The following AGBL4 variants were observed in gnomAD, a reference collection of about 807,000 sequenced individuals.
AGBL4 encodes the protein cytosolic carboxypeptidase 6.
AGBL4 carries 58 observed loss-of-function variants against 66.4 expected under a neutral mutation model. That is an observed-to-expected ratio of 0.87 (90% CI 0.71 to 1.09). The LOEUF (loss-of-function observed/expected upper bound fraction) is 1.09. Ranked by LOEUF, AGBL4 falls within the 50% of genes least tolerant of loss-of-function variation. The pLI, the probability that AGBL4 is intolerant of heterozygous loss-of-function variation, is 0.00. For synonymous variants in AGBL4, 234 were observed against 222.9 expected (o/e 1.05, Z -0.44); for missense variants, 579 against 631.0 (o/e 0.92, Z 0.88).
At chr1:49,728,654 G>A (rs1375580867) in intron 2 of AGBL4, among the ~76,000 whole-genome samples, 2 of 152,162 alleles carry the variant, frequency 1.3e-5, no homozygotes, top group Admixed American at 1.3e-4. Context: ...GAGAAGGCAT[G>A]TGGGGAGAGA....
intron 5 of AGBL4, among the ~76,000 whole-genome samples, chr1:48,898,653 T>C (rs1474050121): frequency 3.9e-4 from 1 of 2,532 alleles, no homozygotes; most frequent in Non-Finnish European, 6.2e-3. Context: ...ATGTGCTTAT[T>C]TTTTTTTTAT....
chr1:49,592,710 T>C (rs1470966006), intron 3 of AGBL4, among the ~76,000 whole-genome samples: 2 of 152,106 alleles, frequency 1.3e-5, no homozygotes, highest in Non-Finnish European at 2.9e-5. Flanking sequence ...ACAAGTCAAA[T>C]TGGCTATTAT....
intron 4 of AGBL4, among the ~76,000 whole-genome samples, chr1:49,194,631 C>T (rs1647190249): frequency 6.6e-6 from 1 of 151,948 alleles, no homozygotes; most frequent in African/African-American, 2.4e-5. Flanking sequence ...CTTGCTCTGT[C>T]ACCCAGGTGG....
rs1644444977 is a variant in AGBL4, at chr1:49,576,772, C to T, written c.282+120541G>A. Among the ~76,000 whole-genome samples, 3 of 152,288 alleles carry T rather than the reference C, an allele frequency of 2.0e-5. 1 individual carries two copies. In the South Asian group the frequency reaches 6.2e-4, roughly 32 times the overall value. ...TCTGCCTTCTCTTCCCCAGTCTGCA[C>T]TGATGGCCTCATGGGGAGTTCCCTA... On this transcript the variant is annotated intron_variant, in intron 3 of 13. Coordinates refer to ENST00000371839, the MANE Select transcript of AGBL4 (RefSeq NM_032785.4).
chr1:49,151,821 A>G (rs1189826428), intron 4 of AGBL4, among the ~76,000 whole-genome samples: 1 of 152,158 alleles, frequency 6.6e-6, no homozygotes, highest in East Asian at 1.9e-4. Context: ...TACTTCTCAA[A>G]CGTATTTAAA....
chr1:49,173,310 T>C (rs1218941946), intron 4 of AGBL4, among the ~76,000 whole-genome samples: 3 of 152,214 alleles, frequency 2.0e-5, no homozygotes, highest in Non-Finnish European at 4.4e-5. Context: ...TAGATACTCA[T>C]GCCATTATTT....
At position 49,448,572 on chromosome 1, in the gene AGBL4, ATC is replaced by A. The variant is rs142221019; in HGVS notation, c.283-202710_283-202709del. Among the ~76,000 whole-genome samples, 290 of 152,276 alleles carry A rather than the reference ATC, an allele frequency of 1.9e-3. 3 individuals are homozygous for A. The highest frequency in any genetic ancestry group is 6.7e-3 in the African/African-American group (280 of 41,558). ...TAGGTCAGGCCAAGGTCAAATGGAA[ATC>A]TCTGTGTTAGGAGGGGTAGAATACC... is the stretch of plus-strand genomic sequence containing the variant. On this transcript the variant is annotated intron_variant, in intron 3 of 13. Transcript: ENST00000371839.
chr1:48,762,050 A>G (rs1354297528), intron 6 of AGBL4, among the ~76,000 whole-genome samples: 1 of 152,152 alleles, frequency 6.6e-6, no homozygotes, highest in African/African-American at 2.4e-5. Context: ...ATCAAATCTC[A>G]GCATGACTGA....
intron 4 of AGBL4, among the ~76,000 whole-genome samples, chr1:49,092,409 G>A (rs181678636): frequency 1.1e-4 from 16 of 152,242 alleles, no homozygotes; most frequent in African/African-American, 3.4e-4. Flanking sequence ...TTATCCAAAC[G>A]TTCTGTTTGT....
intron 6 of AGBL4, among the ~76,000 whole-genome samples, chr1:48,689,203 C>CAAAA (rs939955179): frequency 3.8e-5 from 2 of 53,292 alleles, no homozygotes; most frequent in African/African-American, 5.9e-5. Flanking sequence ...GACCCGGTCT[C>CAAAA]AAAAAAAAAA....
chr1:49,423,030 A>G (rs1425914351), intron 3 of AGBL4: 1 of 152,204 alleles, frequency 6.6e-6, no homozygotes, highest in Admixed American at 6.5e-5. Context: ...CACCTCTTCT[A>G]AGCCCAATCT....
chr1:49,443,221 T>TTA (rs1646075237), intron 3 of AGBL4, among the ~76,000 whole-genome samples: 2 of 152,142 alleles, frequency 1.3e-5, no homozygotes, highest in African/African-American at 4.8e-5. Context: ...GTTCAGCAAG[T>TTA]TGTCTCTTCA....
At chr1:49,527,366 G>A (rs1650751484) in intron 3 of AGBL4, 1 of 152,292 alleles carries the variant, frequency 6.6e-6, no homozygotes, top group Non-Finnish European at 1.5e-5. Flanking sequence ...ATCAGAAATT[G>A]GTATTTAGAA....
chr1:49,538,882 A>G (rs189147533), intron 3 of AGBL4, among the ~76,000 whole-genome samples: 1 of 152,342 alleles, frequency 6.6e-6, no homozygotes, highest in Admixed American at 6.5e-5. Flanking sequence ...GGATAATTTG[A>G]CAATACATAT....
intron 4 of AGBL4, among the ~76,000 whole-genome samples, chr1:49,237,512 T>G: frequency 4.4e-4 from 1 of 2,290 alleles, no homozygotes; most frequent in East Asian, 0.021. Context: ...CAATATTACA[T>G]TATATATATA....
chr1:49,177,409 T>C (rs1254427386), intron 4 of AGBL4, among the ~76,000 whole-genome samples: 3 of 152,284 alleles, frequency 2.0e-5, no homozygotes, highest in Middle Eastern at 3.4e-3. Context: ...CAAGGAACAA[T>C]ATGTGATGTG....
intron 11 of AGBL4, among the ~76,000 whole-genome samples, chr1:48,573,823 G>A (rs557364139): frequency 2.6e-5 from 4 of 152,266 alleles, no homozygotes; most frequent in South Asian, 2.1e-4. Flanking sequence ...TAAGAGCATC[G>A]TTTATTGAGT....
chr1:48,590,698 T>C, intron 10 of AGBL4, 135 bp downstream of exon 10: 1 of 1,018,254 alleles, frequency 9.8e-7, no homozygotes. Flanking sequence ...TACCTCTATC[T>C]TCATCACCCA....
At chr1:48,776,616 C>T in intron 6 of AGBL4, 2 of 1,444,860 alleles carry the variant, frequency 1.4e-6, no homozygotes, top group Non-Finnish European at 1.8e-6. Flanking sequence ...CTGCCAGCGC[C>T]AGGATCTGGG....
Sources: gnomAD v4.1 joint callset for allele counts (sites outside exome capture counted in the v4.1 genomes callset) on GRCh38, gnomAD v4.1.1 for gene constraint, MANE v1.5 for transcripts, NCBI Gene and HGNC (gene_info 2026-07-23, HGNC 2026-07-21) for gene names.